The following HSPG2 variants were observed in gnomAD, a reference collection of about 807,000 sequenced individuals.
HSPG2 encodes basement membrane-specific heparan sulfate proteoglycan core protein.
HSPG2 carries 278 observed loss-of-function variants against 526.6 expected under a neutral mutation model. The observed-to-expected ratio is 0.53, with a 90% CI of 0.48 to 0.58. HSPG2 has a LOEUF of 0.58. HSPG2 is among the 20% of genes least tolerant of loss of function. The pLI is 0.00. For synonymous variants in HSPG2, 2,465 were observed against 2,555.4 expected (o/e 0.96, Z 1.07); for missense variants, 5,354 against 6,099.5 (o/e 0.88, Z 4.07).
rs56357321 is a variant in HSPG2, at chr1:21,882,400, T to TACACACAC, written c.1655-906_1655-899dup. 2.7e-3 allele frequency among the ~76,000 whole-genome samples: 383 copies of TACACACAC among 142,772 alleles called. 2 individuals carry two copies. The highest frequency in any genetic ancestry group is 0.015 in the East Asian group (69 of 4,732). 93.7% of individuals were successfully genotyped at this position (142,772 alleles called of 152,430 possible). A position where few individuals can be genotyped will look rare whatever the true frequency, so the allele number is the denominator to read the frequency against. ...TCGTCTAGTCCAACCCTCTTCTATG[T>TACACACAC]ACACACACACACACACACACACACA... is the stretch of plus-strand genomic sequence containing the variant. On this transcript the variant is annotated intron_variant, in intron 13 of 96. Coordinates refer to ENST00000374695, the MANE Select transcript of HSPG2 (RefSeq NM_005529.7).
rs375566630 is a variant in HSPG2 at position 21,872,429 on chromosome 1, TGG to T, written c.4030-54_4030-53del. 1,075 of 1,494,644 alleles carry T rather than the reference TGG, an allele frequency of 7.2e-4. 5 individuals are homozygous for T. In the African/African-American group the frequency reaches 0.013, roughly 18 times the overall value. 92.6% of individuals were successfully genotyped at this position (1,494,644 alleles called of 1,614,324 possible). On this transcript the variant is annotated intron_variant, in intron 32 of 96. Coordinates refer to ENST00000374695, the MANE Select transcript of HSPG2 (RefSeq NM_005529.7). This position sits in a 1 kb window ranked among gnomAD's most constrained non-coding sequence, Gnocchi z 5.5. Reference sequence around the variant, plus strand: ...CAGCCTGAGCACCGGGGTGCCTTGGTGGGGGATGGGGCACGGGAGGGTGTTAA... The same window carrying T: ...CAGCCTGAGCACCGGGGTGCCTTGGTGGGATGGGGCACGGGAGGGTGTTAA...
chr1:21,854,549 C>T, intron 49 of HSPG2, 62 bp downstream of exon 49: 2 of 1,511,282 alleles, frequency 1.3e-6, no homozygotes, highest in Non-Finnish European at 1.8e-6. Context: ...AGCGTACAGG[C>T]CCCGCCTCCG....
At position 21,832,485 on chromosome 1, in the gene HSPG2, GGGGTCTCACCGGAACTC is replaced by G; in HGVS notation, c.11200_11207+9del. The G allele has an allele frequency of 6.2e-7, 1 of 1,609,554 alleles. No individual in the cohort carries two copies. Among genetic ancestry groups the G allele is most frequent in the Non-Finnish European group, 8.5e-7 (1 of 1,175,798 alleles). ...AGTCCCCCTGTAGGTGGGGAGGCTGGGGGTCTCACCGGAACTCGGGCCTTCCCCCCACGAGGCCGAAG... is the reference window on the plus strand; with the variant it reads ...AGTCCCCCTGTAGGTGGGGAGGCTGGGGGCCTTCCCCCCACGAGGCCGAAG... On this transcript the variant is annotated splice_donor_variant and splice_donor_5th_base_variant and coding_sequence_variant and intron_variant, in exon 81 of 97. Coordinates refer to ENST00000374695, the MANE Select transcript of HSPG2 (RefSeq NM_005529.7). LOFTEE classifies it high-confidence loss of function.
intron 1 of HSPG2, 143 bp from the exon 2 acceptor site, chr1:21,896,453 C>G (rs1642753403): frequency 9.7e-7 from 1 of 1,025,812 alleles, no homozygotes; most frequent in Non-Finnish European, 1.5e-6. Context: ...GCTCAGTGAG[C>G]CAGGCTGGGG....
intron 1 of HSPG2, chr1:21,908,265 T>C (rs1643485539): frequency 2.9e-6 from 3 of 1,034,374 alleles, no homozygotes; most frequent in Non-Finnish European, 4.5e-6. Flanking sequence ...CCCACAAGTG[T>C]TACCATGGCA....
rs1298460821 is a variant in HSPG2, at chr1:21,859,035, C to T, written c.5293+531G>A. ...TTCCCTGGACGACAGGGCAGGGTGA[C>T]TCTGAGGTGCATTATTATTATTATT... On this transcript the variant is annotated intron_variant, in intron 42 of 96. Coordinates refer to ENST00000374695, the MANE Select transcript of HSPG2 (RefSeq NM_005529.7). This position sits in a 1 kb window ranked among gnomAD's most constrained non-coding sequence, Gnocchi z 5.3. 1.3e-5 allele frequency among the ~76,000 whole-genome samples: 2 copies of T among 152,050 alleles called. No homozygotes were observed. The highest frequency in any genetic ancestry group is 4.8e-5 in the African/African-American group (2 of 41,388).
Position 21,822,650 on chromosome 1 carries a change from G to T in HSPG2, c.*666C>A. ...GAGTTGGGGTGGGCCTTCCCTTACA[G>T]CCCCTGAGGGAGGGACCCCAGGCTG... is the stretch of plus-strand genomic sequence containing the variant. On this transcript the variant is annotated 3_prime_UTR_variant, in exon 97 of 97. Coordinates refer to ENST00000374695, the MANE Select transcript of HSPG2 (RefSeq NM_005529.7). 5.4e-6 allele frequency: 1 copy of T among 186,174 alleles called. No homozygotes were observed. The highest frequency in any genetic ancestry group is 1.1e-5 in the Non-Finnish European group (1 of 88,398). The allele number at this position is 186,174 out of a possible 1,614,324, so 11.5% of individuals were successfully genotyped here.
chr1:21,907,591 G>A (rs1433482423), intron 1 of HSPG2, among the ~76,000 whole-genome samples: 2 of 152,144 alleles, frequency 1.3e-5, no homozygotes, highest in East Asian at 3.8e-4. Flanking sequence ...GGAGGGCAGT[G>A]GGCCTCCTCA....
chr1:21,896,425 T>C, intron 1 of HSPG2, 115 bp from the exon 2 acceptor site: 1 of 1,289,662 alleles, frequency 7.8e-7, no homozygotes. Flanking sequence ...CCTTAGTGGT[T>C]AAATTTGACT....
At chr1:21,908,293 A>G in intron 1 of HSPG2, 1 of 1,033,496 alleles carries the variant, frequency 9.7e-7, no homozygotes, top group Non-Finnish European at 1.5e-6. Flanking sequence ...AAGAGTCTAC[A>G]ATGTTATCCA....
At chr1:21,861,402 A>C (rs1227388190) in intron 39 of HSPG2, among the ~76,000 whole-genome samples, 1 of 152,082 alleles carries the variant, frequency 6.6e-6, no homozygotes, top group African/African-American at 2.4e-5. Context: ...TCACGCCTGT[A>C]ATGCCAGCAC....
intron 33 of HSPG2, chr1:21,870,864 C>T (rs1031112961): frequency 1.1e-5 from 11 of 986,314 alleles, no homozygotes; most frequent in East Asian, 1.1e-4. Context: ...GCGCAAAGTA[C>T]GCCTCCCCCT....
Position 21,822,429 on chromosome 1 carries a change from C to T in HSPG2, c.*887G>A. ...GGTCATATCCCCCTCCTCTCTCTCT[C>T]AGTCGTGAGTCCTGCCTTCCCCCAC... On this transcript the variant is annotated 3_prime_UTR_variant, in exon 97 of 97. Coordinates refer to ENST00000374695, the MANE Select transcript of HSPG2 (RefSeq NM_005529.7). 3.4e-6 allele frequency: 2 copies of T among 592,536 alleles called. No individual in the cohort carries two copies. Among genetic ancestry groups the T allele is most frequent in the South Asian group, 3.9e-5 (2 of 50,852 alleles). The allele number at this position is 592,536 out of a possible 1,614,324, so 36.7% of individuals were successfully genotyped here. A position where few individuals can be genotyped will look rare whatever the true frequency, so the allele number is the denominator to read the frequency against.
At position 21,855,423 on chromosome 1, in the gene HSPG2, C is replaced by G. The variant is rs543536558; in HGVS notation, c.5878G>C (p.Val1960Leu). Residue 1960 changes from valine (V) to leucine (L), a missense_variant, in exon 47 of 97, where the codon GTG (valine) becomes CTG (leucine). Coordinates refer to ENST00000374695, the MANE Select transcript of HSPG2 (RefSeq NM_005529.7). ...TGGACCTGGGTCCTCTCTGGGCTCA[C>G]TTGGACTCTGGGCCCACCGCCCCCT... ...VHGGGGPRVQ[V>L]SPERTQVHAG... 29 of 1,613,270 alleles carry G rather than the reference C, an allele frequency of 1.8e-5. No homozygotes were observed. The highest frequency in any genetic ancestry group is 2.4e-5 in the Non-Finnish European group (28 of 1,179,898).
Position 21,895,469 on chromosome 1 carries a change from T to C in HSPG2, c.244+453A>G, listed in dbSNP as rs545134431. Among the ~76,000 whole-genome samples, 8 of 152,294 alleles carry C rather than the reference T, an allele frequency of 5.3e-5. No homozygotes were observed. Among genetic ancestry groups the C allele is most frequent in the African/African-American group, 1.9e-4 (8 of 41,560 alleles). ...CTCCCAAGCCTAGCGTCAGGCTCGA[T>C]CTGTGCTCTGCATGCCCTGCTGCCT... On this transcript the variant is annotated intron_variant, in intron 3 of 96. Coordinates refer to ENST00000374695, the MANE Select transcript of HSPG2 (RefSeq NM_005529.7). The surrounding 1 kb of genome is among the most constrained non-coding windows in gnomAD (Gnocchi z 4.1).
At position 21,887,703 on chromosome 1, in the gene HSPG2, C is replaced by A; in HGVS notation, c.704-29G>T. ...TGGATAGATTCCGCTTGGCATTTGG[C>A]AGAAGCAGATGGCTCCTCACCTGCT... On this transcript the variant is annotated intron_variant, in intron 7 of 96. Transcript: ENST00000374695. This position sits in a 1 kb window ranked among gnomAD's most constrained non-coding sequence, Gnocchi z 5.0. 3 of 1,613,816 alleles carry A rather than the reference C, an allele frequency of 1.9e-6. No homozygotes were observed. Among genetic ancestry groups the A allele is most frequent in the Non-Finnish European group, 2.5e-6 (3 of 1,179,966 alleles).
chr1:21,865,452 AC>A lies in HSPG2; in HGVS notation c.4315-88del. 3.1e-6 allele frequency: 4 copies of A among 1,282,698 alleles called. No homozygotes were observed. Among genetic ancestry groups the A allele is most frequent in the Non-Finnish European group, 3.4e-6 (3 of 882,622 alleles). 79.5% of individuals were successfully genotyped at this position (1,282,698 alleles called of 1,614,324 possible). A position where few individuals can be genotyped will look rare whatever the true frequency, so the allele number is the denominator to read the frequency against. Reference sequence around the variant, plus strand: ...CTCCACCAGTCCTAGATTCTCTGTAACCCCCAGCCTCCCACCTCTCTGCTCT... The same window carrying A: ...CTCCACCAGTCCTAGATTCTCTGTAACCCCAGCCTCCCACCTCTCTGCTCT... On this transcript the variant is annotated intron_variant, in intron 34 of 96. Coordinates refer to ENST00000374695, the MANE Select transcript of HSPG2 (RefSeq NM_005529.7). This position sits in a 1 kb window ranked among gnomAD's most constrained non-coding sequence, Gnocchi z 5.4.
At position 21,824,084 on chromosome 1, in the gene HSPG2, C is replaced by CT. The variant is rs774894284; in HGVS notation, c.12899+36dup. 7.6e-6 allele frequency: 12 copies of CT among 1,584,246 alleles called. No homozygotes were observed. In the South Asian group the frequency reaches 1.3e-4, roughly 18 times the overall value. The stretch of plus-strand genomic sequence containing the variant: ...GGGCGTCCTGCCCCACTCCAGAACG[C>CT]TGGGCCCCATCCCGAGTGCCCGGCA... On this transcript the variant is annotated intron_variant, in intron 95 of 96. Coordinates refer to ENST00000374695, the MANE Select transcript of HSPG2 (RefSeq NM_005529.7). The surrounding 1 kb of genome is among the most constrained non-coding windows in gnomAD (Gnocchi z 5.9).
At position 21,881,452 on chromosome 1, in the gene HSPG2, T is replaced by G; in HGVS notation, c.1705A>C (p.Thr569Pro). 1 of 1,613,378 alleles carries G rather than the reference T, an allele frequency of 6.2e-7. No homozygotes were observed. The highest frequency in any genetic ancestry group is 8.5e-7 in the Non-Finnish European group (1 of 1,179,976). ...AQPGTPPLSS[T>P]QLQIDPSLHE... ...AGGGATGGGTCGATCTGCAGCTGCG[T>G]GGAGGAGAGGGGTGGCGTGCCGGGC... The change falls in exon 14 of 97, where the codon ACG (threonine) becomes CCG (proline). Residue 569 changes from threonine to proline, a missense_variant. Thr to Pro is a conservative substitution (Grantham distance 38). Coordinates refer to ENST00000374695, the MANE Select transcript of HSPG2 (RefSeq NM_005529.7).
Sources: allele counts gnomAD v4.1 joint callset (sites outside exome capture counted in the v4.1 genomes callset), GRCh38; gene constraint gnomAD v4.1.1; non-coding constraint Gnocchi (gnomAD v3.1); transcripts MANE v1.5; gene names NCBI Gene and HGNC (gene_info 2026-07-23, HGNC 2026-07-21).